The following UBE2K variants were observed in gnomAD, a reference collection of about 807,000 sequenced individuals.
UBE2K encodes ubiquitin conjugating enzyme E2 K, also known as ubiquitin-conjugating enzyme E2 K.
Under a neutral mutation model 30.0 loss-of-function variants are expected in UBE2K, and 6 were observed. The ratio of observed to expected loss-of-function variants is 0.20; its 90% confidence interval spans 0.11 to 0.39. The LOEUF (loss-of-function observed/expected upper bound fraction) is 0.39, where lower values mean the gene tolerates loss of function less well. Among genes scored for constraint, UBE2K ranks in the 10% least tolerant of loss-of-function variants. The probability of loss-of-function intolerance (pLI) is 1.00; values close to 1 mark genes in which losing one functional copy is unlikely to be tolerated. For synonymous variants in UBE2K, 86 were observed against 83.7 expected (o/e 1.03, Z -0.15); for missense variants, 61 against 241.6 (o/e 0.25, Z 4.96).
chr4:39,770,679 G>T, intron 4 of UBE2K: 1 of 1,578,688 alleles, frequency 6.3e-7, no homozygotes, highest in Non-Finnish European at 8.6e-7. Flanking sequence ...TGGGGCCACA[G>T]TGCTGGGGGG....
chr4:39,771,460 G>GCC (rs1358855271), intron 4 of UBE2K: 1 of 1,555,304 alleles, frequency 6.4e-7, no homozygotes, highest in Non-Finnish European at 8.7e-7. Flanking sequence ...GGCAACCCTG[G>GCC]CCCGGTTCCG....
chr4:39,698,743 A>G (rs977708767), intron 1 of UBE2K, among the ~76,000 whole-genome samples: 1 of 151,774 alleles, frequency 6.6e-6, no homozygotes, highest in Non-Finnish European at 1.5e-5. Context: ...GCCTGAGAAA[A>G]CCCGGGAAGT....
chr4:39,731,360 G>T (rs1186958428), intron 1 of UBE2K, among the ~76,000 whole-genome samples: 1 of 151,996 alleles, frequency 6.6e-6, no homozygotes, highest in Non-Finnish European at 1.5e-5. Flanking sequence ...TTGTTTTCAT[G>T]TCACTTCTGC....
intron 3 of UBE2K, among the ~76,000 whole-genome samples, chr4:39,753,625 G>T (rs144967881): frequency 1.2e-4 from 19 of 152,286 alleles, no homozygotes; most frequent in African/African-American, 4.6e-4. Context: ...GAATAGATCA[G>T]GAAGAAGTGA....
intron 1 of UBE2K, among the ~76,000 whole-genome samples, chr4:39,730,808 TTC>T (rs1400047447): frequency 8.4e-6 from 1 of 118,744 alleles, no homozygotes; most frequent in Non-Finnish European, 1.7e-5. Context: ...CTGCTATAGC[TTC>T]TTTTTTTTTT....
intron 1 of UBE2K, among the ~76,000 whole-genome samples, chr4:39,712,185 C>A (rs962089598): frequency 1.3e-4 from 19 of 144,210 alleles, no homozygotes; most frequent in African/African-American, 4.6e-4. Flanking sequence ...AGTGCAATAG[C>A]ACCGACAACC....
chr4:39,708,936 T>C (rs201622235), intron 1 of UBE2K, among the ~76,000 whole-genome samples: 1 of 151,332 alleles, frequency 6.6e-6, no homozygotes, highest in East Asian at 1.9e-4. Context: ...TTTTTTTTTT[T>C]CCTCTTAGTA....
rs1379869724 is a variant in UBE2K at position 39,779,157 on chromosome 4, C to T, written c.*723C>T. 1.4e-5 allele frequency: 2 copies of T among 147,694 alleles called. No homozygotes were observed. Among genetic ancestry groups the T allele is most frequent in the African/African-American group, 2.5e-5 (1 of 40,238 alleles). The allele number at this position is 147,694 out of a possible 1,614,324, so 9.1% of individuals were successfully genotyped here. A position where few individuals can be genotyped will look rare whatever the true frequency, so the allele number is the denominator to read the frequency against. ...TGTATCCCTTGCTTCATTTTTAGGTCGTAGGTTTGGAATGTCTTGTCCCAG... is the reference window on the plus strand; with the variant it reads ...TGTATCCCTTGCTTCATTTTTAGGTTGTAGGTTTGGAATGTCTTGTCCCAG... On this transcript the variant is annotated 3_prime_UTR_variant, in exon 7 of 7. Coordinates refer to ENST00000261427, the MANE Select transcript of UBE2K (RefSeq NM_005339.5).
chr4:39,771,398 C>G (rs1712822588), intron 4 of UBE2K: 1 of 1,611,404 alleles, frequency 6.2e-7, no homozygotes, highest in South Asian at 1.1e-5. Flanking sequence ...GCCTAGTGGC[C>G]GGGCAGCTGG....
At chr4:39,755,848 G>C in intron 4 of UBE2K, 109 bp downstream of exon 4, 1 of 710,910 alleles carries the variant, frequency 1.4e-6, no homozygotes, top group Non-Finnish European at 2.1e-6. Context: ...ATCTTGTTTG[G>C]GCAGTAACTT....
chr4:39,772,557 G>A (rs937352396), intron 4 of UBE2K, among the ~76,000 whole-genome samples: 2 of 146,808 alleles, frequency 1.4e-5, no homozygotes, highest in Non-Finnish European at 3.0e-5. Flanking sequence ...CCTAGGCAGC[G>A]TGAGACCCTA....
Position 39,778,485 on chromosome 4 carries a change from C to A in UBE2K, c.*51C>A. ...AAGCTTGCCTCTTCTTGAGGAGCAC[C>A]AACATCTGTTATTTTTAGGATTCTG... On this transcript the variant is annotated 3_prime_UTR_variant, in exon 7 of 7. Transcript: ENST00000261427. 3 of 1,196,124 alleles carry A rather than the reference C, an allele frequency of 2.5e-6. No homozygotes were observed. The highest frequency in any genetic ancestry group is 1.9e-4 in the Middle Eastern group (1 of 5,136). 74.1% of individuals were successfully genotyped at this position (1,196,124 alleles called of 1,614,324 possible).
At chr4:39,732,801 G>C (rs1332983164) in intron 1 of UBE2K, among the ~76,000 whole-genome samples, 4 of 150,170 alleles carry the variant, frequency 2.7e-5, no homozygotes, top group Admixed American at 6.7e-5. Flanking sequence ...TCAGCCTCCT[G>C]AGTAGCTGGG....
intron 4 of UBE2K, among the ~76,000 whole-genome samples, chr4:39,765,484 C>T (rs1031439655): frequency 6.6e-6 from 1 of 151,900 alleles, no homozygotes; most frequent in Non-Finnish European, 1.5e-5. Context: ...GATCTGTGAT[C>T]ACACCACTGC....
intron 1 of UBE2K, among the ~76,000 whole-genome samples, chr4:39,704,869 CT>C (rs35972302): frequency 0.11 from 13,089 of 121,212 alleles, 697 homozygotes; most frequent in East Asian, 0.19. Flanking sequence ...GACTATACAC[CT>C]TTTTTTTTTT....
intron 4 of UBE2K, among the ~76,000 whole-genome samples, chr4:39,762,332 G>C (rs753376721): frequency 2.2e-4 from 34 of 152,098 alleles, no homozygotes; most frequent in Non-Finnish European, 4.3e-4. Context: ...GAAGTGCTAA[G>C]ATTACAGACT....
In UBE2K at chr4:39,768,352, CAGA is replaced by C. The variant is rs776055962; in HGVS notation, c.300-6477_300-6475del. Among the ~76,000 whole-genome samples, 199 of 144,572 alleles carry C rather than the reference CAGA, an allele frequency of 1.4e-3. 1 individual carries two copies. The highest frequency in any genetic ancestry group is 4.8e-3 in the South Asian group (22 of 4,610). 94.8% of individuals were successfully genotyped at this position (144,572 alleles called of 152,430 possible). ...CCCAGCCACCCAGGAGGCTCTGAGG[CAGA>C]AGAATTGCTTGAACCTGGGAGGCAA... On this transcript the variant is annotated intron_variant, in intron 4 of 6. Transcript: ENST00000261427.
intron 3 of UBE2K, among the ~76,000 whole-genome samples, chr4:39,748,373 C>T (rs966796595): frequency 2.6e-5 from 4 of 152,050 alleles, no homozygotes; most frequent in South Asian, 2.1e-4. Context: ...GGATTACAGG[C>T]GTGAACCACC....
In UBE2K at chr4:39,779,884, T is replaced by C. The variant is rs1713510567; in HGVS notation, c.*1450T>C. On this transcript the variant is annotated 3_prime_UTR_variant, in exon 7 of 7. Coordinates refer to ENST00000261427, the MANE Select transcript of UBE2K (RefSeq NM_005339.5). ...TTCTTTAAGTGTTATTTATCTTAAATTATAATCGTTAAATGTTTGGAAGAT... is the reference window on the plus strand; with the variant it reads ...TTCTTTAAGTGTTATTTATCTTAAACTATAATCGTTAAATGTTTGGAAGAT... 6.6e-6 allele frequency: 1 copy of C among 152,192 alleles called. No homozygotes were observed. The highest frequency in any genetic ancestry group is 1.5e-5 in the Non-Finnish European group (1 of 68,012). 9.4% of individuals were successfully genotyped at this position (152,192 alleles called of 1,614,324 possible).
Sources: allele counts gnomAD v4.1 joint callset (sites outside exome capture counted in the v4.1 genomes callset), GRCh38; gene constraint gnomAD v4.1.1; transcripts MANE v1.5; gene names NCBI Gene and HGNC (gene_info 2026-07-23, HGNC 2026-07-21).